Variants in TDRD9 observed in about 807,000 individuals in gnomAD.
TDRD9 encodes tudor domain containing 9.
In TDRD9, 124 loss-of-function variants were observed where a neutral mutation model predicts 172.6. That is an observed-to-expected ratio of 0.72 (90% CI 0.62 to 0.83). The LOEUF is 0.83. TDRD9 is among the 40% of genes least tolerant of loss of function. The pLI is 0.00. For synonymous variants in TDRD9, 619 were observed against 617.1 expected (o/e 1.00, Z -0.05); for missense variants, 1,479 against 1,714.1 (o/e 0.86, Z 2.42).
intron 32 of TDRD9, among the ~76,000 whole-genome samples, chr14:104,039,284 G>A (rs372377196): frequency 2.0e-5 from 3 of 152,142 alleles, no homozygotes; most frequent in Non-Finnish European, 2.9e-5. Flanking sequence ...CCCATGACAC[G>A]TGGGGATTAT....
Position 104,026,128 on chromosome 14 carries a change from C to T in TDRD9, c.3013C>T (p.Pro1005Ser), listed in dbSNP as rs1460597330. The change falls in exon 27 of 36, where the codon CCT (proline) becomes TCT (serine). Residue 1005 changes from proline to serine, a missense_variant. Around this residue, in one of 3 missense-constraint regions of TDRD9, gnomAD observed 1,413 missense variants for 1,649.1 expected, o/e 0.86. Transcript: ENST00000409874. The part of the protein sequence containing the change: ...MEIPCQFLEL[P>S]FQALEFKICK... The stretch of plus-strand genomic sequence containing the variant: ...GATTCCCTGTCAATTTCTTGAACTT[C>T]CTTTCCAGGTAAGGTAGAGAAGACT... The T allele has an allele frequency of 2.5e-6, 4 of 1,600,818 alleles. No homozygotes were observed. The highest frequency in any genetic ancestry group is 3.4e-6 in the Non-Finnish European group (4 of 1,168,118).
chr14:103,995,397 A>T (rs1416547739), intron 11 of TDRD9, among the ~76,000 whole-genome samples: 1 of 152,188 alleles, frequency 6.6e-6, no homozygotes, highest in Non-Finnish European at 1.5e-5. Context: ...ATTCTAGGGC[A>T]AGTACAGGCA....
chr14:104,028,681 A>G (rs755440496), intron 28 of TDRD9, among the ~76,000 whole-genome samples: 1 of 152,142 alleles, frequency 6.6e-6, no homozygotes, highest in Non-Finnish European at 1.5e-5. Context: ...GAAGGTTTTT[A>G]GTGTAATATA....
At chr14:104,017,444 C>T (rs2034827521) in intron 22 of TDRD9, among the ~76,000 whole-genome samples, 2 of 152,182 alleles carry the variant, frequency 1.3e-5, no homozygotes, top group Non-Finnish European at 2.9e-5. Flanking sequence ...CTGTAACTTG[C>T]CTAAGGAGAC....
intron 34 of TDRD9, among the ~76,000 whole-genome samples, chr14:104,046,889 G>A (rs536755446): frequency 3.7e-4 from 57 of 152,196 alleles, no homozygotes; most frequent in African/African-American, 9.6e-4. Context: ...TTTGTGATCC[G>A]CCCACCTCGG....
In TDRD9 at chr14:104,028,736, G is replaced by A. The variant is rs73356311; in HGVS notation, c.3282+1797G>A. ...GTTGCCTCTGCTTTTTGAAGTCTTG[G>A]CCATAAAATCCTTGCCTAGATCAGT... On this transcript the variant is annotated intron_variant, in intron 28 of 35. Transcript: ENST00000409874. Among the ~76,000 whole-genome samples the A allele has an allele frequency of 1.8e-3, 274 of 152,142 alleles. 2 individuals are homozygous for A. The highest frequency in any genetic ancestry group is 6.4e-3 in the African/African-American group (266 of 41,520).
At chr14:103,970,882 T>C (rs1474396258) in intron 6 of TDRD9, among the ~76,000 whole-genome samples, 2 of 152,252 alleles carry the variant, frequency 1.3e-5, no homozygotes, top group South Asian at 2.1e-4. Flanking sequence ...TGTAAATAGT[T>C]GCTATACTCT....
chr14:104,035,861 G>A (rs10134394), intron 32 of TDRD9, among the ~76,000 whole-genome samples: 50,216 of 151,866 alleles, frequency 0.33, 8,481 homozygotes, highest in Middle Eastern at 0.37. Context: ...GCATGGAGGG[G>A]TGGTCCATAG....
chr14:104,049,120 A>ATGTGTGTGTG (rs368678111), intron 34 of TDRD9, among the ~76,000 whole-genome samples: 1 of 101,980 alleles, frequency 9.8e-6, no homozygotes, highest in South Asian at 3.5e-4. Flanking sequence ...GTATGTATGT[A>ATGTGTGTGTG]TGTGTGTGTG....
intron 25 of TDRD9, 41 bp downstream of exon 25, chr14:104,024,721 A>G: frequency 2.6e-6 from 3 of 1,157,334 alleles, no homozygotes; most frequent in South Asian, 1.3e-5. Flanking sequence ...TTCTTAATCT[A>G]AAATCATCAT....
chr14:103,949,623 A>G (rs187239680), intron 1 of TDRD9, among the ~76,000 whole-genome samples: 1 of 152,284 alleles, frequency 6.6e-6, no homozygotes, highest in African/African-American at 2.4e-5. Context: ...TGCAACAATA[A>G]CTTTGAAGGT....
chr14:103,962,988 G>GTGTGTA lies in TDRD9; in HGVS notation c.323-88_323-83dup. 7 of 673,642 alleles carry GTGTGTA rather than the reference G, an allele frequency of 1.0e-5. No homozygotes were observed. In the South Asian group the frequency reaches 1.2e-4, roughly 11 times the overall value. 41.7% of individuals were successfully genotyped at this position (673,642 alleles called of 1,614,324 possible). ...TGAGTGTGTGTGTGTGTGTGTGTGT[G>GTGTGTA]TGTGTATGCTGTATCTATAGATTAG... On this transcript the variant is annotated intron_variant, in intron 2 of 35. Coordinates refer to ENST00000409874, the MANE Select transcript of TDRD9 (RefSeq NM_153046.3).
At chr14:104,002,820 C>G (rs957201157) in intron 13 of TDRD9, among the ~76,000 whole-genome samples, 1 of 151,720 alleles carries the variant, frequency 6.6e-6, no homozygotes, top group African/African-American at 2.4e-5. Flanking sequence ...CAGTCTCCAC[C>G]TCCCAGGTTC....
At position 104,027,576 on chromosome 14, in the gene TDRD9, G is replaced by A. The variant is rs1158550463; in HGVS notation, c.3282+637G>A. On this transcript the variant is annotated intron_variant, in intron 28 of 35. Coordinates refer to ENST00000409874, the MANE Select transcript of TDRD9 (RefSeq NM_153046.3). ...GCCACTTCTTTTTCCTTTTTTAGTT[G>A]CCACATAATCATTGTACATATTTAT... Among the ~76,000 whole-genome samples, 10 of 152,120 alleles carry A rather than the reference G, an allele frequency of 6.6e-5. No homozygotes were observed. In the East Asian group the frequency reaches 1.4e-3, roughly 21 times the overall value.
At chr14:104,004,393 A>G (rs1223725186) in intron 14 of TDRD9, 58 bp downstream of exon 14, 2 of 957,184 alleles carry the variant, frequency 2.1e-6, no homozygotes, top group Non-Finnish European at 1.6e-6. Flanking sequence ...TTATTTATTT[A>G]TTTATGAGAC....
Position 104,022,543 on chromosome 14 carries a change from A to G in TDRD9, c.2606+213A>G, listed in dbSNP as rs541786288. Among the ~76,000 whole-genome samples, 58 of 152,220 alleles carry G rather than the reference A, an allele frequency of 3.8e-4. 1 individual carries two copies. Among genetic ancestry groups the G allele is most frequent in the African/African-American group, 1.3e-3 (56 of 41,542 alleles). Reference sequence around the variant, plus strand: ...GGAGTTTGAGACCAGCCTCGCCAACATGATGAAACCCTGTCTGTACTGACA... The same window carrying G: ...GGAGTTTGAGACCAGCCTCGCCAACGTGATGAAACCCTGTCTGTACTGACA... On this transcript the variant is annotated intron_variant, in intron 24 of 35. Coordinates refer to ENST00000409874, the MANE Select transcript of TDRD9 (RefSeq NM_153046.3).
intron 7 of TDRD9, among the ~76,000 whole-genome samples, chr14:103,981,039 GTA>G (rs769427978): frequency 6.6e-6 from 1 of 152,106 alleles, no homozygotes; most frequent in Non-Finnish European, 1.5e-5. Flanking sequence ...TCTATATCTA[GTA>G]TAACTATTCT....
intron 13 of TDRD9, among the ~76,000 whole-genome samples, chr14:103,999,642 G>GGC (rs2034185928): frequency 2.4e-5 from 3 of 125,954 alleles, no homozygotes; most frequent in African/African-American, 6.2e-5. Context: ...TTGTTTTTTA[G>GGC]AAAACCTTTT....
At chr14:104,038,347 A>G (rs993905149) in intron 32 of TDRD9, among the ~76,000 whole-genome samples, 3 of 152,238 alleles carry the variant, frequency 2.0e-5, no homozygotes, top group African/African-American at 7.2e-5. Flanking sequence ...TCACTGTTTA[A>G]CTGGGTTTTC....
Sources: allele counts gnomAD v4.1 joint callset (sites outside exome capture counted in the v4.1 genomes callset), GRCh38; gene constraint gnomAD v4.1.1; regional missense constraint gnomAD v4.1.1; transcripts MANE v1.5; gene names NCBI Gene and HGNC (gene_info 2026-07-23, HGNC 2026-07-21).